CCN2: variants seen among roughly 807,000 people sequenced by gnomAD.
CCN2 encodes CCN family member 2.
CCN2 carries 22 observed loss-of-function variants against 33.2 expected under a neutral mutation model. The observed-to-expected ratio is 0.66, with a 90% CI of 0.47 to 0.95. CCN2 has a LOEUF of 0.95. CCN2 is among the 40% of genes least tolerant of loss of function. The pLI, the probability that CCN2 is intolerant of heterozygous loss-of-function variation, is 0.00. For missense variants in CCN2, 469 were observed against 498.8 expected, an observed-to-expected ratio of 0.94 and a Z score of 0.57; for synonymous variants, 178 against 200.6, an observed-to-expected ratio of 0.89 and a Z score of 0.95.
Position 131,950,218 on chromosome 6 carries a change from G to C in CCN2, c.542-58C>G. The C allele has an allele frequency of 6.2e-7, 1 of 1,611,310 alleles. No homozygotes were observed. The highest frequency in any genetic ancestry group is 8.5e-7 in the Non-Finnish European group (1 of 1,177,936). ...AACGCCTGGATAAGGTATTTCCCCC[G>C]TTCGGTCGGCACAGTTAGGACTCCC... On this transcript the variant is annotated intron_variant, in intron 3 of 4. Transcript: ENST00000367976. This position sits in a 1 kb window ranked among gnomAD's most constrained non-coding sequence, Gnocchi z 7.1.
At chr6:131,949,626 T>G in intron 4 of CCN2, 66 bp from the exon 5 acceptor site, 1 of 1,405,008 alleles carries the variant, frequency 7.1e-7, no homozygotes, top group Non-Finnish European at 9.9e-7. Context: ...AGGAGTGGCT[T>G]TCTTCAACCC....
At chr6:131,949,636 C>T in intron 4 of CCN2, 76 bp from the exon 5 acceptor site, 1 of 1,360,388 alleles carries the variant, frequency 7.4e-7, no homozygotes. Context: ...TTCTTCAACC[C>T]TCTGTGTTTT....
At position 131,951,357 on chromosome 6, in the gene CCN2, G is replaced by A. The variant is rs2114785239; in HGVS notation, c.-185C>T. 2.2e-6 allele frequency: 1 copy of A among 444,904 alleles called. No individual in the cohort carries two copies. The highest frequency in any genetic ancestry group is 3.6e-6 in the Non-Finnish European group (1 of 276,838). The allele number at this position is 444,904 out of a possible 1,614,324, so 27.6% of individuals were successfully genotyped here. ...CGCACTGGCTGTCTCCTCTCAGCGG[G>A]GAAGAGTTGTTGTGTGAGTTTGGGG... On this transcript the variant is annotated 5_prime_UTR_variant, in exon 1 of 5. Coordinates refer to ENST00000367976, the MANE Select transcript of CCN2 (RefSeq NM_001901.4).
rs564448955 is a variant in CCN2 at position 131,948,925 on chromosome 6, A to C, written c.*339T>G. Reference sequence around the variant, plus strand: ...ATTTTCCTTCTCAATTACACTTCAAATAGCAGGCATATTACTCGTATAAGA... The same window carrying C: ...ATTTTCCTTCTCAATTACACTTCAACTAGCAGGCATATTACTCGTATAAGA... On this transcript the variant is annotated 3_prime_UTR_variant, in exon 5 of 5. Coordinates refer to ENST00000367976, the MANE Select transcript of CCN2 (RefSeq NM_001901.4). The C allele has an allele frequency of 7.0e-5, 20 of 286,658 alleles. No homozygotes were observed. In the East Asian group the frequency reaches 1.5e-3, roughly 21 times the overall value. The allele number at this position is 286,658 out of a possible 1,614,324, so 17.8% of individuals were successfully genotyped here.
rs988980862 is a variant in CCN2 at position 131,949,040 on chromosome 6, T to C, written c.*224A>G. 6 of 572,388 alleles carry C rather than the reference T, an allele frequency of 1.0e-5. No individual in the cohort carries two copies. The highest frequency in any genetic ancestry group is 6.0e-5 in the Admixed American group (2 of 33,226). 35.5% of individuals were successfully genotyped at this position (572,388 alleles called of 1,614,324 possible). A position where few individuals can be genotyped will look rare whatever the true frequency, so the allele number is the denominator to read the frequency against. The stretch of plus-strand genomic sequence containing the variant: ...TATACATTCTGGTGCTGTGTACTAA[T>C]GTAGTTCCACTGTCAAGTCTTAACA... On this transcript the variant is annotated 3_prime_UTR_variant, in exon 5 of 5. Transcript: ENST00000367976.
rs199557030 is a variant in CCN2, at chr6:131,950,574, G to C, written c.290-31C>G. ...GAAGAGGAAGGGAAGAGAGGGGTGG[G>C]GGATGCAGAGGTCAGGCATTGGGGC... On this transcript the variant is annotated intron_variant, in intron 2 of 4. Coordinates refer to ENST00000367976, the MANE Select transcript of CCN2 (RefSeq NM_001901.4). The surrounding 1 kb of genome is among the most constrained non-coding windows in gnomAD (Gnocchi z 7.1). 1.4e-3 allele frequency: 2,320 copies of C among 1,604,940 alleles called. 1 individual carries two copies. Among genetic ancestry groups the C allele is most frequent in the Non-Finnish European group, 1.8e-3 (2,153 of 1,174,590 alleles).
At position 131,951,365 on chromosome 6, in the gene CCN2, T is replaced by A; in HGVS notation, c.-193A>T. 1 of 433,498 alleles carries A rather than the reference T, an allele frequency of 2.3e-6. No individual in the cohort carries two copies. Among genetic ancestry groups the A allele is most frequent in the Non-Finnish European group, 3.7e-6 (1 of 267,136 alleles). The allele number at this position is 433,498 out of a possible 1,614,324, so 26.9% of individuals were successfully genotyped here. A position where few individuals can be genotyped will look rare whatever the true frequency, so the allele number is the denominator to read the frequency against. Reference sequence around the variant, plus strand: ...CTGTCTCCTCTCAGCGGGGAAGAGTTGTTGTGTGAGTTTGGGGCGGGCGGC... The same window carrying A: ...CTGTCTCCTCTCAGCGGGGAAGAGTAGTTGTGTGAGTTTGGGGCGGGCGGC... On this transcript the variant is annotated 5_prime_UTR_variant, in exon 1 of 5. Coordinates refer to ENST00000367976, the MANE Select transcript of CCN2 (RefSeq NM_001901.4).
chr6:131,950,422 G>C lies in CCN2; in HGVS notation c.411C>G (p.Cys137Trp). The change falls in exon 3 of 5, where the codon TGC becomes TGG. Residue 137 changes from cysteine (C) to tryptophan (W), a missense_variant. Coordinates refer to ENST00000367976, the MANE Select transcript of CCN2 (RefSeq NM_001901.4). This position sits in a 1 kb window ranked among gnomAD's most constrained non-coding sequence, Gnocchi z 7.1. ...GGCTGGGCAGACGAACGTCCATGCT[G>C]CACAGGGGCATGCAGCCCACCGCCC... The part of the protein sequence containing the change: ...LDGAVGCMPL[C>W]SMDVRLPSPD... 1 of 1,614,020 alleles carries C rather than the reference G, an allele frequency of 6.2e-7. No individual in the cohort carries two copies. The highest frequency in any genetic ancestry group is 2.2e-5 in the East Asian group (1 of 44,864).
At position 131,950,917 on chromosome 6, in the gene CCN2, T is replaced by A; in HGVS notation, c.142A>T (p.Ser48Cys). ...CAGCCGCAGCCGTCCAGCACGAGGC[T>A]CACGCCCGCCGGGCAGCGCGGCGCC... ...EPAPRCPAGV[S>C]LVLDGCGCCR... The change falls in exon 2 of 5, where the codon AGC (serine) becomes TGC (cysteine). Residue 48 changes from serine (S) to cysteine (C), a missense_variant. Coordinates refer to ENST00000367976, the MANE Select transcript of CCN2 (RefSeq NM_001901.4). This position sits in a 1 kb window ranked among gnomAD's most constrained non-coding sequence, Gnocchi z 7.1. 6.8e-7 allele frequency: 1 copy of A among 1,480,546 alleles called. No homozygotes were observed. Among genetic ancestry groups the A allele is most frequent in the Non-Finnish European group, 8.9e-7 (1 of 1,125,330 alleles). The allele number at this position is 1,480,546 out of a possible 1,614,324, so 91.7% of individuals were successfully genotyped here. A position where few individuals can be genotyped will look rare whatever the true frequency, so the allele number is the denominator to read the frequency against.
chr6:131,951,293 G>A lies in CCN2; in HGVS notation c.-121C>T. 1 of 859,514 alleles carries A rather than the reference G, an allele frequency of 1.2e-6. No homozygotes were observed. The allele number at this position is 859,514 out of a possible 1,614,324, so 53.2% of individuals were successfully genotyped here. ...CGCGCCGGGCTGTCGTCTCGGGGCT[G>A]TCGGCCGGGGCGGCTGCCGTCGAGC... On this transcript the variant is annotated 5_prime_UTR_variant, in exon 1 of 5. Coordinates refer to ENST00000367976, the MANE Select transcript of CCN2 (RefSeq NM_001901.4).
chr6:131,950,311 C>G lies in CCN2; in HGVS notation c.522G>C (p.Val174=). 1.2e-6 allele frequency: 2 copies of G among 1,613,892 alleles called. No homozygotes were observed. The highest frequency in any genetic ancestry group is 1.7e-6 in the Non-Finnish European group (2 of 1,179,842). ...ACTCACCCGCGAGGGCAGGCCCAAC[C>G]ACGGTTTGGTCCTTGGGCTCGTCAC... ...WVCDEPKDQT[V]VGPALAAYRL... is the part of the protein sequence containing the mutation. The change falls in exon 3 of 5, where the codon GTG becomes GTC. Residue 174 remains valine, a synonymous_variant. Transcript: ENST00000367976. This position sits in a 1 kb window ranked among gnomAD's most constrained non-coding sequence, Gnocchi z 7.1.
Position 131,950,139 on chromosome 6 carries a change from A to G in CCN2, c.563T>C (p.Phe188Ser), listed in dbSNP as rs1166630038. Reference protein sequence around the residue: ...ALAAYRLEDTFGPDPTMIRAN... With the variant: ...ALAAYRLEDTSGPDPTMIRAN... ...TCTAATCATAGTTGGGTCTGGGCCA[A>G]ACGTGTCTTCCAGTCGGTAAGCTGC... The change falls in exon 4 of 5, where the codon TTT becomes TCT. Residue 188 changes from phenylalanine (F) to serine (S), a missense_variant. Physicochemically the swap from Phe to Ser is radical, Grantham distance 155 (BLOSUM62 -2). Transcript: ENST00000367976. This position sits in a 1 kb window ranked among gnomAD's most constrained non-coding sequence, Gnocchi z 7.1. 6.2e-7 allele frequency: 1 copy of G among 1,614,236 alleles called. No individual in the cohort carries two copies. The highest frequency in any genetic ancestry group is 1.7e-5 in the Admixed American group (1 of 60,034).
In CCN2 at chr6:131,951,250, C is replaced by T; in HGVS notation, c.-78G>A. 1 of 1,199,550 alleles carries T rather than the reference C, an allele frequency of 8.3e-7. No homozygotes were observed. The highest frequency in any genetic ancestry group is 1.0e-6 in the Non-Finnish European group (1 of 957,554). 74.3% of individuals were successfully genotyped at this position (1,199,550 alleles called of 1,614,324 possible). A position where few individuals can be genotyped will look rare whatever the true frequency, so the allele number is the denominator to read the frequency against. ...CGGGGCCTGGAGCGCTGGCGGTGGT[C>T]GGAGGTGGGGACCGGGACGCGCCGG... On this transcript the variant is annotated 5_prime_UTR_variant, in exon 1 of 5. Coordinates refer to ENST00000367976, the MANE Select transcript of CCN2 (RefSeq NM_001901.4).
intron 4 of CCN2, among the ~76,000 whole-genome samples, 161 bp downstream of exon 4, chr6:131,949,788 G>A (rs1249002625): frequency 6.6e-6 from 1 of 152,198 alleles, no homozygotes; most frequent in Non-Finnish European, 1.5e-5. Flanking sequence ...TGGAAAACTG[G>A]TGGTTGCTAT....
chr6:131,949,162 G>T lies in CCN2; in HGVS notation c.*102C>A. The stretch of plus-strand genomic sequence containing the variant: ...ATCTTTTCCCCCAGTTAGAAAAACA[G>T]ATTTAAATAACTTGTGCTACTGAAA... On this transcript the variant is annotated 3_prime_UTR_variant, in exon 5 of 5. Transcript: ENST00000367976. 9.3e-7 allele frequency: 1 copy of T among 1,075,092 alleles called. No individual in the cohort carries two copies. The highest frequency in any genetic ancestry group is 1.4e-5 in the South Asian group (1 of 69,956). The allele number at this position is 1,075,092 out of a possible 1,614,324, so 66.6% of individuals were successfully genotyped here. A position where few individuals can be genotyped will look rare whatever the true frequency, so the allele number is the denominator to read the frequency against.
rs1282906768 is a variant in CCN2 at position 131,950,272 on chromosome 6, T to TA, written c.541+19dup. ...CTGGGAGAGAATCACGACCCTGACT[T>TA]AGAGGAAGACTCGACTCACCCGCGA... is the stretch of plus-strand genomic sequence containing the variant. On this transcript the variant is annotated intron_variant, in intron 3 of 4. Transcript: ENST00000367976. The surrounding 1 kb of genome is among the most constrained non-coding windows in gnomAD (Gnocchi z 7.1). The TA allele has an allele frequency of 6.2e-7, 1 of 1,611,672 alleles. No homozygotes were observed. The highest frequency in any genetic ancestry group is 1.7e-5 in the Admixed American group (1 of 59,980).
chr6:131,950,637 T>C lies in CCN2; in HGVS notation c.290-94A>G. ...AGAGCGTCAGGGATGCGAGTTGGGA[T>C]CTGGGCTGCAGGGGGCGGGCTGGCA... On this transcript the variant is annotated intron_variant, in intron 2 of 4. Transcript: ENST00000367976. The surrounding 1 kb of genome is among the most constrained non-coding windows in gnomAD (Gnocchi z 7.1). 3 of 1,553,340 alleles carry C rather than the reference T, an allele frequency of 1.9e-6. No individual in the cohort carries two copies. In the South Asian group the frequency reaches 3.7e-5, roughly 19 times the overall value.
At position 131,949,292 on chromosome 6, in the gene CCN2, T is replaced by C. The variant is rs752098338; in HGVS notation, c.1022A>G (p.Tyr341Cys). The change falls in exon 5 of 5, where the codon TAC becomes TGC. Residue 341 changes from tyrosine (Y) to cysteine (C), a missense_variant. Tyr to Cys is a radical substitution (Grantham distance 194). Transcript: ENST00000367976. ...TGCCATGTCTCCGTACATCTTCCTG[T>C]AGTACAGCGATTCAAAGATGTCATT... ...GDNDIFESLY[Y>C]RKMYGDMA 7 of 1,614,070 alleles carry C rather than the reference T, an allele frequency of 4.3e-6. No homozygotes were observed. The highest frequency in any genetic ancestry group is 5.1e-6 in the Non-Finnish European group (6 of 1,180,032).
At position 131,949,558 on chromosome 6, in the gene CCN2, C is replaced by T. The variant is rs368576906; in HGVS notation, c.756G>A (p.Lys252=). ...TGGGAGTACGGATGCACTTTTTGCCCTTCTAAGGAAGACAAGGGAAAAGAG... is the reference window on the plus strand; with the variant it reads ...TGGGAGTACGGATGCACTTTTTGCCTTTCTAAGGAAGACAAGGGAAAAGAG... The part of the protein sequence containing the change: ...CEADLEENIK[K]GKKCIRTPKI... The change falls in exon 5 of 5, where the codon AAG becomes AAA. Residue 252 remains lysine, a splice_region_variant and synonymous_variant. Transcript: ENST00000367976. 115 of 1,559,132 alleles carry T rather than the reference C, an allele frequency of 7.4e-5. No individual in the cohort carries two copies. The highest frequency in any genetic ancestry group is 8.4e-5 in the Non-Finnish European group (96 of 1,140,946).
Sources: gnomAD v4.1 joint callset for allele counts (sites outside exome capture counted in the v4.1 genomes callset) on GRCh38, gnomAD v4.1.1 for gene constraint, Gnocchi (gnomAD v3.1) non-coding constraint, MANE v1.5 for transcripts, NCBI Gene and HGNC (gene_info 2026-07-23, HGNC 2026-07-21) for gene names.